BTBD7: variants seen among roughly 807,000 people sequenced by gnomAD.
The protein encoded by BTBD7 is BTB/POZ domain-containing protein 7.
BTBD7 carries 38 observed loss-of-function variants against 99.9 expected under a neutral mutation model. The observed-to-expected ratio is 0.38, with a 90% CI of 0.29 to 0.50. The LOEUF is 0.50. BTBD7 is among the 20% of genes least tolerant of loss of function. BTBD7 has a pLI of 0.93. For missense variants in BTBD7, 1,170 were observed against 1,394.6 expected, an observed-to-expected ratio of 0.84 and a Z score of 2.57; for synonymous variants, 520 against 511.4, an observed-to-expected ratio of 1.02 and a Z score of -0.23.
chr14:93,283,250 T>C (rs1026869739), intron 3 of BTBD7, among the ~76,000 whole-genome samples: 1 of 152,122 alleles, frequency 6.6e-6, no homozygotes, highest in African/African-American at 2.4e-5. Flanking sequence ...CTAATTTCTT[T>C]CTATTCTTTT....
At position 93,294,914 on chromosome 14, in the gene BTBD7, C is replaced by A; in HGVS notation, c.106G>T (p.Gly36Cys). 1 of 1,590,910 alleles carries A rather than the reference C, an allele frequency of 6.3e-7. No homozygotes were observed. The highest frequency in any genetic ancestry group is 8.5e-7 in the Non-Finnish European group (1 of 1,173,572). The part of the protein sequence containing the change: ...FIGTSSYSQQ[G>C]YGCESKLYSL... ...TACAACTTTGATTCGCAACCATAGC[C>A]TTGCTGAGAATAGGATGAGGTCCCT... is the stretch of plus-strand genomic sequence containing the variant. Residue 36 changes from glycine (G) to cysteine (C), a missense_variant, in exon 3 of 11, where the codon GGC becomes TGC. By Grantham distance (159) the Gly-to-Cys change is radical. Around this residue, in one of 4 missense-constraint regions of BTBD7, gnomAD observed 359 missense variants for 497.9 expected, o/e 0.72. Coordinates refer to ENST00000334746, the MANE Select transcript of BTBD7 (RefSeq NM_001002860.4).
At chr14:93,274,846 G>A (rs1444265635) in intron 3 of BTBD7, among the ~76,000 whole-genome samples, 1 of 152,116 alleles carries the variant, frequency 6.6e-6, no homozygotes, top group Non-Finnish European at 1.5e-5. Flanking sequence ...TCTAGATTTT[G>A]GTCAAACTAA....
intron 1 of BTBD7, among the ~76,000 whole-genome samples, chr14:93,313,300 C>T (rs1191662483): frequency 2.0e-5 from 3 of 152,198 alleles, no homozygotes; most frequent in Non-Finnish European, 2.9e-5. Flanking sequence ...AGTCAGAAAA[C>T]ATTTCTATTC....
intron 3 of BTBD7, among the ~76,000 whole-genome samples, chr14:93,273,586 T>C (rs1050936291): frequency 6.6e-6 from 1 of 152,228 alleles, no homozygotes; most frequent in Admixed American, 6.5e-5. Context: ...GGATATTTGG[T>C]TGGCTTAGCT....
intron 3 of BTBD7, chr14:93,287,617 G>A (rs143122017): frequency 6.6e-6 from 1 of 151,984 alleles, no homozygotes; most frequent in African/African-American, 2.4e-5. Context: ...TGCACCACAA[G>A]AGCCATAAAA....
Position 93,332,943 on chromosome 14 carries a change from C to T in BTBD7, c.-230G>A, listed in dbSNP as rs1204557357. On this transcript the variant is annotated 5_prime_UTR_variant, in exon 1 of 11. Transcript: ENST00000334746. Reference sequence around the variant, plus strand: ...CCCCCGGCCATCCTCCTCCCACCGCCGCCGCCGCCGCCCTCTCCTCTCCTG... The same window carrying T: ...CCCCCGGCCATCCTCCTCCCACCGCTGCCGCCGCCGCCCTCTCCTCTCCTG... 1 of 777,576 alleles carries T rather than the reference C, an allele frequency of 1.3e-6. No homozygotes were observed. The highest frequency in any genetic ancestry group is 2.1e-5 in the South Asian group (1 of 47,168). The allele number at this position is 777,576 out of a possible 1,614,324, so 48.2% of individuals were successfully genotyped here.
chr14:93,285,862 T>A (rs1413808805), intron 3 of BTBD7, among the ~76,000 whole-genome samples: 1 of 152,170 alleles, frequency 6.6e-6, no homozygotes, highest in Non-Finnish European at 1.5e-5. Context: ...AGAAAACAAG[T>A]CTAGTTGGCT....
intron 1 of BTBD7, among the ~76,000 whole-genome samples, chr14:93,318,794 G>A (rs188836048): frequency 6.6e-6 from 1 of 152,320 alleles, no homozygotes; most frequent in East Asian, 1.9e-4. Context: ...CACTCTGTAA[G>A]AGCAATGAAT....
chr14:93,269,198 G>T (rs1467393706), intron 3 of BTBD7, among the ~76,000 whole-genome samples: 1 of 152,060 alleles, frequency 6.6e-6, no homozygotes, highest in Non-Finnish European at 1.5e-5. Context: ...ATAAAAAACT[G>T]GAATGTTGGT....
At chr14:93,305,259 C>T (rs1036924749) in intron 1 of BTBD7, among the ~76,000 whole-genome samples, 6 of 152,138 alleles carry the variant, frequency 3.9e-5, no homozygotes, top group African/African-American at 1.2e-4. Flanking sequence ...TTCTGATGAG[C>T]TCCTGCCCAT....
At chr14:93,322,641 C>G (rs2053282946) in intron 1 of BTBD7, among the ~76,000 whole-genome samples, 1 of 152,088 alleles carries the variant, frequency 6.6e-6, no homozygotes. Flanking sequence ...AGTAATTTTA[C>G]AGATGTGGAA....
chr14:93,323,836 A>C (rs903271691), intron 1 of BTBD7, among the ~76,000 whole-genome samples: 2 of 152,198 alleles, frequency 1.3e-5, no homozygotes, highest in Non-Finnish European at 2.9e-5. Flanking sequence ...GCAGAACAGA[A>C]ACTCTTTAAA....
chr14:93,331,887 C>CCCG (rs534688480), intron 1 of BTBD7, among the ~76,000 whole-genome samples: 6 of 147,736 alleles, frequency 4.1e-5, no homozygotes, highest in African/African-American at 1.6e-4. Context: ...TCTCCCCCCC[C>CCCG]CCAAAAAGGT....
intron 8 of BTBD7, among the ~76,000 whole-genome samples, chr14:93,249,689 A>G (rs1477018690): frequency 6.6e-6 from 1 of 152,250 alleles, no homozygotes; most frequent in Non-Finnish European, 1.5e-5. Context: ...TAGAAGCAAC[A>G]GAGACTGTAT....
chr14:93,310,451 G>T (rs2053123812), intron 1 of BTBD7, among the ~76,000 whole-genome samples: 1 of 152,048 alleles, frequency 6.6e-6, no homozygotes, highest in South Asian at 2.1e-4. Context: ...AGGTTACCTG[G>T]TTGTTTCCTA....
At chr14:93,291,652 T>C (rs2052856967) in intron 3 of BTBD7, among the ~76,000 whole-genome samples, 2 of 152,070 alleles carry the variant, frequency 1.3e-5, no homozygotes, top group South Asian at 2.1e-4. Context: ...AAGAAGAGCA[T>C]ATATATCCAC....
chr14:93,305,181 T>C (rs1381264671), intron 1 of BTBD7, among the ~76,000 whole-genome samples: 1 of 152,240 alleles, frequency 6.6e-6, no homozygotes, highest in Non-Finnish European at 1.5e-5. Context: ...GGGGGACCCA[T>C]TACTTTAAAT....
At chr14:93,274,650 T>C (rs2052635825) in intron 3 of BTBD7, among the ~76,000 whole-genome samples, 1 of 152,218 alleles carries the variant, frequency 6.6e-6, no homozygotes, top group African/African-American at 2.4e-5. Flanking sequence ...CTTGTTCTCA[T>C]TCCATTTCAC....
intron 3 of BTBD7, among the ~76,000 whole-genome samples, chr14:93,278,623 T>C (rs1262874596): frequency 6.6e-6 from 1 of 152,174 alleles, no homozygotes; most frequent in Non-Finnish European, 1.5e-5. Context: ...AACATGGTAA[T>C]GCAATGGTAT....
Sources: allele counts gnomAD v4.1 joint callset (sites outside exome capture counted in the v4.1 genomes callset), GRCh38; gene constraint gnomAD v4.1.1; regional missense constraint gnomAD v4.1.1; transcripts MANE v1.5; gene names NCBI Gene and HGNC (gene_info 2026-07-23, HGNC 2026-07-21).